Variants in NYAP2 observed in about 807,000 individuals in gnomAD.
NYAP2 encodes neuronal tyrosine-phosphorylated phosphoinositide-3-kinase adapter 2.
NYAP2 carries 23 observed loss-of-function variants against 50.4 expected under a neutral mutation model. The ratio of observed to expected loss-of-function variants is 0.46; its 90% CI spans 0.33 to 0.65. NYAP2 has a LOEUF of 0.65. NYAP2 is among the 30% of genes least tolerant of loss of function. The pLI is 0.02. For missense variants in NYAP2, 885 were observed against 861.0 expected (o/e 1.03, Z -0.35); for synonymous variants, 394 against 365.2 (o/e 1.08, Z -0.90).
intron 5 of NYAP2, among the ~76,000 whole-genome samples, chr2:225,615,592 G>A (rs1435534188): frequency 6.6e-6 from 1 of 152,164 alleles, no homozygotes; most frequent in Non-Finnish European, 1.5e-5. Flanking sequence ...CAGTGTGTGT[G>A]TTCCCCTGTG....
intron 4 of NYAP2, among the ~76,000 whole-genome samples, chr2:225,554,065 A>C (rs1233814550): frequency 6.6e-6 from 1 of 152,180 alleles, no homozygotes; most frequent in Non-Finnish European, 1.5e-5. Context: ...AAAAGGTTAG[A>C]TATTTAGTTA....
chr2:225,630,533 G>C (rs1249240063), intron 6 of NYAP2, among the ~76,000 whole-genome samples: 1 of 152,148 alleles, frequency 6.6e-6, no homozygotes, highest in African/African-American at 2.4e-5. Flanking sequence ...GAAGGAAAAT[G>C]GGATTTCCAT....
intron 6 of NYAP2, among the ~76,000 whole-genome samples, chr2:225,633,088 AT>A (rs760095719): frequency 6.6e-6 from 1 of 152,202 alleles, no homozygotes; most frequent in South Asian, 2.1e-4. Flanking sequence ...ATGATTATCA[AT>A]TGAGTGGAAA....
At chr2:225,665,807 T>TAAAAAAAAAA in the NYAP2 span, among the ~76,000 whole-genome samples, 105 of 20,998 alleles carry the variant, frequency 5.0e-3, 32 homozygotes, top group Admixed American at 7.6e-3. Flanking sequence ...AGCCTCCGTC[T>TAAAAAAAAAA]AAAAAAAAAA....
At chr2:225,584,136 T>A (rs1458527468) in intron 5 of NYAP2, among the ~76,000 whole-genome samples, 2 of 152,200 alleles carry the variant, frequency 1.3e-5, no homozygotes, top group African/African-American at 4.8e-5. Context: ...GAACTTAGAA[T>A]CTTCTTTGAC....
intron 5 of NYAP2, among the ~76,000 whole-genome samples, chr2:225,611,740 G>A (rs1257642616): frequency 6.6e-6 from 1 of 151,842 alleles, no homozygotes; most frequent in Non-Finnish European, 1.5e-5. Context: ...CAGAGGTCAT[G>A]GTGTTTTAGT....
At chr2:225,433,220 G>A (rs535038693) in intron 3 of NYAP2, among the ~76,000 whole-genome samples, 45 of 152,166 alleles carry the variant, frequency 3.0e-4, no homozygotes, top group African/African-American at 1.1e-3. Context: ...GTGCAGTAGT[G>A]CATGCCTGTA....
At chr2:225,403,706 A>G (rs1694897425) in intron 2 of NYAP2, among the ~76,000 whole-genome samples, 1 of 151,952 alleles carries the variant, frequency 6.6e-6, no homozygotes, top group South Asian at 2.1e-4. Context: ...GAAATTCCAG[A>G]TAAATACCTT....
intron 3 of NYAP2, among the ~76,000 whole-genome samples, chr2:225,424,290 T>A (rs1189316483): frequency 6.6e-6 from 1 of 152,110 alleles, no homozygotes; most frequent in Non-Finnish European, 1.5e-5. Context: ...AATTAATCAA[T>A]CTCATCTGCT....
At chr2:225,411,552 T>C (rs1695039109) in intron 3 of NYAP2, among the ~76,000 whole-genome samples, 1 of 151,724 alleles carries the variant, frequency 6.6e-6, no homozygotes, top group Non-Finnish European at 1.5e-5. Flanking sequence ...AATGTGAGAG[T>C]TGTAGTCTAT....
At chr2:225,472,949 C>T (rs186133056) in intron 3 of NYAP2, among the ~76,000 whole-genome samples, 3 of 152,268 alleles carry the variant, frequency 2.0e-5, no homozygotes, top group Non-Finnish European at 4.4e-5. Context: ...CTAATGCTAT[C>T]CTTCCCCACT....
intron 4 of NYAP2, among the ~76,000 whole-genome samples, chr2:225,532,282 C>T (rs1349009660): frequency 6.6e-6 from 1 of 152,102 alleles, no homozygotes; most frequent in Non-Finnish European, 1.5e-5. Context: ...GGAGTGACTG[C>T]CTGTGTGCAT....
chr2:225,647,462 C>T (rs1364458173), intron 6 of NYAP2, among the ~76,000 whole-genome samples: 2 of 152,150 alleles, frequency 1.3e-5, no homozygotes, highest in African/African-American at 4.8e-5. Context: ...TAAACACCCG[C>T]ACAAAATCAA....
chr2:225,598,123 C>A (rs936020019), intron 5 of NYAP2, among the ~76,000 whole-genome samples: 2 of 152,056 alleles, frequency 1.3e-5, no homozygotes, highest in Non-Finnish European at 2.9e-5. Context: ...CGCTGGAGGG[C>A]CTTCACATAC....
intron 2 of NYAP2, among the ~76,000 whole-genome samples, chr2:225,401,356 G>A (rs979296327): frequency 2.6e-5 from 4 of 151,972 alleles, no homozygotes; most frequent in African/African-American, 9.7e-5. Context: ...GGTATTAATT[G>A]GCATTCAAGT....
At chr2:225,416,392 A>G (rs1695123001) in intron 3 of NYAP2, among the ~76,000 whole-genome samples, 2 of 152,114 alleles carry the variant, frequency 1.3e-5, no homozygotes, top group Non-Finnish European at 2.9e-5. Context: ...TGCTCTATAT[A>G]TTTTTTTCAA....
At chr2:225,601,441 T>G (rs1213030185) in intron 5 of NYAP2, among the ~76,000 whole-genome samples, 1 of 152,190 alleles carries the variant, frequency 6.6e-6, no homozygotes, top group African/African-American at 2.4e-5. Flanking sequence ...ACCCAGCCTC[T>G]GTTTAAGTTT....
At chr2:225,688,805 C>T in the NYAP2 span, among the ~76,000 whole-genome samples, 64 of 152,146 alleles carry the variant, frequency 4.2e-4, no homozygotes, top group East Asian at 1.9e-4. Flanking sequence ...TGCAGTGGCA[C>T]GATCTTGGCT....
At chr2:225,460,924 C>T (rs1689818388) in intron 3 of NYAP2, among the ~76,000 whole-genome samples, 3 of 134,988 alleles carry the variant, frequency 2.2e-5, no homozygotes, top group Non-Finnish European at 4.6e-5. Context: ...ACCTGGGAGG[C>T]GGAGCTTGCA....
Sources: allele counts gnomAD v4.1 joint callset (sites outside exome capture counted in the v4.1 genomes callset), GRCh38; gene constraint gnomAD v4.1.1; transcripts MANE v1.5; gene names NCBI Gene and HGNC (gene_info 2026-07-23, HGNC 2026-07-21).